Variants in HACL2 observed in about 807,000 individuals in gnomAD.
The protein encoded by HACL2 is 2-hydroxyacyl-CoA lyase 2.
At chr19:15,121,541 C>T in the HACL2 span, among the ~76,000 whole-genome samples, 2,840 of 152,042 alleles carry the variant, frequency 0.019, 84 homozygotes, top group African/African-American at 0.065. Context: ...AGAGGCCAGG[C>T]GCAGTGGCTC....
the HACL2 span, chr19:15,123,770 T>C: frequency 1.7e-6 from 1 of 596,090 alleles, no homozygotes. The surrounding 1 kb of genome is among the most constrained non-coding windows in gnomAD (Gnocchi z 5.1). Flanking sequence ...TCAGATCCTC[T>C]TGTCATTACA....
At chr19:15,119,234 T>C in the HACL2 span, 1 of 1,609,298 alleles carries the variant, frequency 6.2e-7, no homozygotes, top group South Asian at 1.1e-5. Flanking sequence ...GAGGGGGTGG[T>C]TGCGGCCTAA....
chr19:15,124,983 A>G, the HACL2 span: 6 of 1,605,348 alleles, frequency 3.7e-6, no homozygotes, highest in Non-Finnish European at 5.1e-6. Context: ...CAAGGCGGCC[A>G]CCAGCGTCCC....
At chr19:15,119,522 CGA>C in the HACL2 span, 1 of 1,611,264 alleles carries the variant, frequency 6.2e-7, no homozygotes, top group South Asian at 1.1e-5. Context: ...GAACCTGGAG[CGA>C]GAGGTGGGGA....
the HACL2 span, chr19:15,123,535 GGCCACGTTCTCTCC>G: frequency 1.2e-6 from 2 of 1,614,116 alleles, no homozygotes; most frequent in Non-Finnish European, 1.7e-6. The surrounding 1 kb of genome is among the most constrained non-coding windows in gnomAD (Gnocchi z 5.1). Flanking sequence ...TCAGCACAGC[GGCCACGTTCTCTCC>G]GCCATGCCGG....
the HACL2 span, chr19:15,124,873 G>T: frequency 2.6e-6 from 4 of 1,557,282 alleles, no homozygotes; most frequent in East Asian, 9.6e-5. Context: ...GCACCACGAG[G>T]CCCCTCCCTC....
the HACL2 span, chr19:15,116,872 C>T: frequency 2.8e-5 from 8 of 282,348 alleles, no homozygotes; most frequent in Middle Eastern, 3.9e-4. Flanking sequence ...AATCCAGGCA[C>T]GTGGAAGCGC....
chr19:15,115,229 C>T, the HACL2 span: 1 of 1,613,870 alleles, frequency 6.2e-7, no homozygotes, highest in Non-Finnish European at 8.5e-7. Flanking sequence ...GGAAGGCAGC[C>T]AAGCGTCCTG....
chr19:15,120,206 T>A, the HACL2 span: 1 of 600,242 alleles, frequency 1.7e-6, no homozygotes, highest in Non-Finnish European at 3.0e-6. Context: ...ACAGGGTGGA[T>A]GAGTGACACC....
chr19:15,121,924 G>A, the HACL2 span, among the ~76,000 whole-genome samples: 5 of 143,160 alleles, frequency 3.5e-5, no homozygotes, highest in Non-Finnish European at 7.6e-5. Context: ...TTGAGACGGA[G>A]TCTTGCTCTG....
chr19:15,121,824 A>AAG, the HACL2 span, among the ~76,000 whole-genome samples: 17 of 148,298 alleles, frequency 1.1e-4, no homozygotes, highest in East Asian at 2.0e-4. Context: ...AAAAAAAAAA[A>AAG]AAAGAAAGAA....
chr19:15,123,594 T>A, the HACL2 span: 20 of 1,601,518 alleles, frequency 1.2e-5, no homozygotes, highest in Non-Finnish European at 1.7e-5. This position sits in a 1 kb window ranked among gnomAD's most constrained non-coding sequence, Gnocchi z 5.1. Context: ...CAAGGACAGG[T>A]GGAGCAATAA....
chr19:15,115,125 C>A, the HACL2 span: 4 of 1,103,066 alleles, frequency 3.6e-6, no homozygotes, highest in Non-Finnish European at 5.5e-6. Flanking sequence ...TCCATCCCCT[C>A]CTCAGGGAGG....
chr19:15,123,673 A>G, the HACL2 span: 1 of 1,100,860 alleles, frequency 9.1e-7, no homozygotes, highest in East Asian at 2.4e-5. The surrounding 1 kb of genome is among the most constrained non-coding windows in gnomAD (Gnocchi z 5.1). Flanking sequence ...AGGGGGCAGG[A>G]GCAGGGTGAG....
At chr19:15,116,021 G>A in the HACL2 span, 55 of 1,613,958 alleles carry the variant, frequency 3.4e-5, no homozygotes, top group African/African-American at 6.1e-4. Context: ...GGCCGGCACA[G>A]CTTGGCCCCA....
the HACL2 span, chr19:15,125,780 T>G: frequency 5.3e-5 from 8 of 152,272 alleles, no homozygotes; most frequent in African/African-American, 1.4e-4. Context: ...TCCGGCCCGA[T>G]GCGCATGCGC....
chr19:15,117,872 G>A, the HACL2 span: 2 of 1,613,922 alleles, frequency 1.2e-6, no homozygotes, highest in Non-Finnish European at 1.7e-6. Flanking sequence ...GGGGGATTAA[G>A]GGGCTCACCC....
At chr19:15,121,154 G>A in the HACL2 span, among the ~76,000 whole-genome samples, 94 of 152,282 alleles carry the variant, frequency 6.2e-4, no homozygotes, top group African/African-American at 2.3e-3. Flanking sequence ...AGCTACTCCG[G>A]GGGCTGAGGC....
the HACL2 span, among the ~76,000 whole-genome samples, chr19:15,122,141 G>A: frequency 0.047 from 7,124 of 151,128 alleles, 216 homozygotes; most frequent in Middle Eastern, 0.093. This position sits in a 1 kb window ranked among gnomAD's most constrained non-coding sequence, Gnocchi z 4.0. Flanking sequence ...TCCTGACCTC[G>A]TGATCTGCCC....
Sources: gnomAD v4.1 joint callset for allele counts (sites outside exome capture counted in the v4.1 genomes callset) on GRCh38, gnomAD v4.1.1 for gene constraint, Gnocchi (gnomAD v3.1) non-coding constraint, MANE v1.5 for transcripts, NCBI Gene and HGNC (gene_info 2026-07-23, HGNC 2026-07-21) for gene names.